Variants in HERC3 observed in about 807,000 individuals in gnomAD.
HERC3 encodes the protein probable E3 ubiquitin-protein ligase HERC3.
HERC3 carries 58 observed loss-of-function variants against 129.9 expected under a neutral mutation model. The ratio of observed to expected loss-of-function variants is 0.45; its 90% CI spans 0.36 to 0.56. The LOEUF is 0.56. Ranked by LOEUF, HERC3 falls within the 20% of genes least tolerant of loss-of-function variation. HERC3 has a pLI of 0.00. For synonymous variants in HERC3, 430 were observed against 451.0 expected (o/e 0.95, Z 0.59); for missense variants, 835 against 1,244.2 (o/e 0.67, Z 4.95).
chr4:88,571,510 T>C, the HERC3 span, among the ~76,000 whole-genome samples: 1 of 152,140 alleles, frequency 6.6e-6, no homozygotes. Flanking sequence ...CTTTCTTTTT[T>C]CCCCCAGATC....
chr4:88,577,908 A>G, the HERC3 span, among the ~76,000 whole-genome samples: 2 of 152,162 alleles, frequency 1.3e-5, no homozygotes, highest in Non-Finnish European at 2.9e-5. Context: ...CATTAAATAC[A>G]ATCTCTTCAT....
chr4:88,548,293 G>C, the HERC3 span, among the ~76,000 whole-genome samples: 1 of 152,130 alleles, frequency 6.6e-6, no homozygotes, highest in Non-Finnish European at 1.5e-5. Flanking sequence ...CAAAGCGGCT[G>C]CACCATTTTA....
At chr4:88,663,273 G>T (rs2972021) in intron 11 of HERC3, among the ~76,000 whole-genome samples, 56,334 of 151,884 alleles carry the variant, frequency 0.37, 12,339 homozygotes, top group African/African-American at 0.6. Context: ...AGCTAGTAAC[G>T]TTGTGAGTGA....
At position 88,681,345 on chromosome 4, in the gene HERC3, T is replaced by C; in HGVS notation, c.2507+20T>C. The C allele has an allele frequency of 1.9e-6, 3 of 1,599,928 alleles. No individual in the cohort carries two copies. The highest frequency in any genetic ancestry group is 2.6e-6 in the Non-Finnish European group (3 of 1,173,340). On this transcript the variant is annotated intron_variant, in intron 21 of 25. Transcript: ENST00000402738. Reference sequence around the variant, plus strand: ...AGGAAGGTACAAAGCTAAAAGGCGATTGGTATCTGAAACTGTTGTGGCTGC... The same window carrying C: ...AGGAAGGTACAAAGCTAAAAGGCGACTGGTATCTGAAACTGTTGTGGCTGC...
chr4:88,681,186 T>C lies in HERC3; in HGVS notation c.2368T>C (p.Leu790=). ...TCFVEHNWFH[L]IGITCGLAIY... is the part of the protein sequence containing the mutation. The stretch of plus-strand genomic sequence containing the variant: ...TTTTGTAGAGCACAACTGGTTTCAC[T>C]TGATTGGTATAACCTGTGGACTAGC... Residue 790 remains leucine (L), a synonymous_variant, in exon 21 of 26, where the codon TTG becomes CTG. Coordinates refer to ENST00000402738, the MANE Select transcript of HERC3 (RefSeq NM_014606.3). 1 of 1,613,050 alleles carries C rather than the reference T, an allele frequency of 6.2e-7. No individual in the cohort carries two copies. The highest frequency in any genetic ancestry group is 8.5e-7 in the Non-Finnish European group (1 of 1,179,738).
At chr4:88,530,513 T>C in the HERC3 span, among the ~76,000 whole-genome samples, 1 of 152,346 alleles carries the variant, frequency 6.6e-6, no homozygotes, top group South Asian at 2.1e-4. Context: ...ATAGGTCTTA[T>C]AGCCGTAAGA....
chr4:88,623,393 G>T (rs948694357), intron 3 of HERC3, among the ~76,000 whole-genome samples: 1 of 152,116 alleles, frequency 6.6e-6, no homozygotes, highest in Non-Finnish European at 1.5e-5. Context: ...GCATAATTTT[G>T]TTACTGGGTT....
chr4:88,552,478 C>A, the HERC3 span, among the ~76,000 whole-genome samples: 5 of 152,186 alleles, frequency 3.3e-5, no homozygotes, highest in African/African-American at 1.2e-4. Flanking sequence ...GTATTGAATT[C>A]CTGACCTCAA....
In HERC3 at chr4:88,686,902, C is replaced by T. The variant is rs1179821046; in HGVS notation, c.2574+100C>T. 6 of 927,744 alleles carry T rather than the reference C, an allele frequency of 6.5e-6. No homozygotes were observed. The East Asian group carries it at 1.5e-4, about 23-fold the overall frequency. 57.5% of individuals were successfully genotyped at this position (927,744 alleles called of 1,614,324 possible). ...TCTTCTTCAAATCATAGAAAAAAGT[C>T]AGAGACTTCTTTGAATCAAATTATT... On this transcript the variant is annotated intron_variant, in intron 22 of 25. Coordinates refer to ENST00000402738, the MANE Select transcript of HERC3 (RefSeq NM_014606.3).
the HERC3 span, among the ~76,000 whole-genome samples, chr4:88,563,921 G>A: frequency 2.6e-5 from 4 of 152,046 alleles, no homozygotes; most frequent in African/African-American, 9.7e-5. Context: ...GCCTCCCAAA[G>A]TGCTGGGATT....
At chr4:88,697,298 CT>C (rs746398843) in intron 23 of HERC3, 1 of 1,607,850 alleles carries the variant, frequency 6.2e-7, no homozygotes, top group Non-Finnish European at 8.5e-7. Flanking sequence ...TCCTCCTCGT[CT>C]TCCCCCTCCT....
At chr4:88,615,285 C>A (rs1019281942) in intron 3 of HERC3, among the ~76,000 whole-genome samples, 7 of 152,024 alleles carry the variant, frequency 4.6e-5, no homozygotes, top group Non-Finnish European at 2.9e-5. Context: ...AGTTTATCAG[C>A]CTGAATGGGG....
chr4:88,669,946 A>C lies in HERC3; in HGVS notation c.1720A>C (p.Arg574=). 1 of 1,613,836 alleles carries C rather than the reference A, an allele frequency of 6.2e-7. No individual in the cohort carries two copies. The highest frequency in any genetic ancestry group is 8.5e-7 in the Non-Finnish European group (1 of 1,179,766). Reference sequence around the variant, plus strand: ...TGCAGTCCTTTATCTACTGAGGGGAAGAAAGACATTCTTAATTCCCGTACT... The same window carrying C: ...TGCAGTCCTTTATCTACTGAGGGGACGAAAGACATTCTTAATTCCCGTACT... ...KGAVLYLLRG[R]KTFLIPVLFN... is the part of the protein sequence containing the mutation. Residue 574 remains arginine, a synonymous_variant, in exon 15 of 26, where the codon AGA becomes CGA. Coordinates refer to ENST00000402738, the MANE Select transcript of HERC3 (RefSeq NM_014606.3).
At chr4:88,663,372 G>A (rs536452027) in intron 11 of HERC3, among the ~76,000 whole-genome samples, 40 of 152,294 alleles carry the variant, frequency 2.6e-4, no homozygotes, top group Non-Finnish European at 2.9e-5. Context: ...AGCTCAGGCT[G>A]AAGGGTCGCA....
At chr4:88,665,801 T>C (rs1417599386) in intron 12 of HERC3, among the ~76,000 whole-genome samples, 1 of 152,212 alleles carries the variant, frequency 6.6e-6, no homozygotes, top group Admixed American at 6.6e-5. Flanking sequence ...TTAAGGCAGC[T>C]GGGATGAGCT....
rs1245538496 is a variant in HERC3, at chr4:88,659,511, C to T, written c.1146+1020C>T. On this transcript the variant is annotated intron_variant, in intron 10 of 25. Transcript: ENST00000402738. ...GCTAAAGCTGATGATTAGCTATTTT[C>T]CAGGTCAGGTGCCTGAAGAAGGTGG... 3.3e-5 allele frequency among the ~76,000 whole-genome samples: 5 copies of T among 152,240 alleles called. No homozygotes were observed. In the East Asian group the frequency reaches 9.6e-4, roughly 29 times the overall value.
rs1732611723 is a variant in HERC3, at chr4:88,680,180, A to G, written c.2284A>G (p.Ile762Val). Residue 762 changes from isoleucine (I) to valine (V), a missense_variant, in exon 20 of 26, where the codon ATC (isoleucine) becomes GTC (valine). Physicochemically the swap from Ile to Val is conservative, Grantham distance 29. Transcript: ENST00000402738. ...LLLLKELLNP[I>V]YGMFTYYQDS... Reference sequence around the variant, plus strand: ...GCTGTTAAAAGAACTTTTGAATCCCATCTATGGAATGTTTACCTACTATCA... The same window carrying G: ...GCTGTTAAAAGAACTTTTGAATCCCGTCTATGGAATGTTTACCTACTATCA... The G allele has an allele frequency of 1.9e-6, 3 of 1,613,106 alleles. No homozygotes were observed. Among genetic ancestry groups the G allele is most frequent in the Non-Finnish European group, 2.5e-6 (3 of 1,179,518 alleles).
chr4:88,610,114 A>G (rs1724130818), intron 3 of HERC3, among the ~76,000 whole-genome samples: 1 of 152,012 alleles, frequency 6.6e-6, no homozygotes, highest in African/African-American at 2.4e-5. Context: ...CAAAGTCTTT[A>G]TGACCTGTAT....
the HERC3 span, among the ~76,000 whole-genome samples, chr4:88,544,672 T>C: frequency 6.6e-6 from 1 of 152,168 alleles, no homozygotes. Context: ...ACCAACCCAA[T>C]TGTCCATCAA....
Sources: gnomAD v4.1 joint callset for allele counts (sites outside exome capture counted in the v4.1 genomes callset) on GRCh38, gnomAD v4.1.1 for gene constraint, MANE v1.5 for transcripts, NCBI Gene and HGNC (gene_info 2026-07-23, HGNC 2026-07-21) for gene names.